TCERG1L: variants seen among roughly 807,000 people sequenced by gnomAD.
TCERG1L encodes transcription elongation regulator 1-like protein.
TCERG1L carries 37 observed loss-of-function variants against 56.3 expected under a neutral mutation model. That is an observed-to-expected ratio of 0.66 (90% CI 0.51 to 0.87). TCERG1L has a LOEUF of 0.87. Ranked by LOEUF, TCERG1L falls within the 40% of genes least tolerant of loss-of-function variation. The pLI is 0.00. For missense variants in TCERG1L, 799 were observed against 774.2 expected, an observed-to-expected ratio of 1.03 and a Z score of -0.38; for synonymous variants, 324 against 326.3, an observed-to-expected ratio of 0.99 and a Z score of 0.08.
In TCERG1L at chr10:131,114,084, A is replaced by C. The variant is rs2133388098; in HGVS notation, c.1395+2715T>G. 2.1e-5 allele frequency among the ~76,000 whole-genome samples: 3 copies of C among 142,604 alleles called. 1 individual carries two copies. The South Asian group carries it at 7.8e-4, about 37-fold the overall frequency. The allele number at this position is 142,604 out of a possible 152,430, so 93.6% of individuals were successfully genotyped here. A position where few individuals can be genotyped will look rare whatever the true frequency, so the allele number is the denominator to read the frequency against. ...AACCTTCATCCCGCTGCCCCAGGGC[A>C]CAATCCCCGTGGCAGGGCCCAAACT... On this transcript the variant is annotated intron_variant, in intron 9 of 11. Transcript: ENST00000368642.
chr10:131,134,520 C>T, intron 7 of TCERG1L, 72 bp from the exon 8 acceptor site: 1 of 1,189,490 alleles, frequency 8.4e-7, no homozygotes, highest in South Asian at 1.3e-5. Flanking sequence ...CCAGGTGACA[C>T]TCACTTTCAA....
chr10:131,287,017 G>A (rs978095127), intron 3 of TCERG1L, among the ~76,000 whole-genome samples: 3 of 152,086 alleles, frequency 2.0e-5, no homozygotes, highest in Admixed American at 2.0e-4. Context: ...ATTACATGCT[G>A]GAATAATAAT....
intron 7 of TCERG1L, among the ~76,000 whole-genome samples, chr10:131,136,645 G>A (rs1271009935): frequency 6.6e-5 from 10 of 151,988 alleles, no homozygotes; most frequent in Admixed American, 4.6e-4. Context: ...ACAGGCACCC[G>A]CCACCACACC....
At chr10:131,180,677 A>G (rs181944500) in intron 4 of TCERG1L, among the ~76,000 whole-genome samples, 108 of 152,324 alleles carry the variant, frequency 7.1e-4, no homozygotes, top group African/African-American at 2.4e-3. Context: ...TGTATTTCAC[A>G]CATTCGTTAT....
intron 8 of TCERG1L, among the ~76,000 whole-genome samples, chr10:131,129,350 C>T (rs12250530): frequency 0.016 from 2,447 of 152,232 alleles, 49 homozygotes; most frequent in African/African-American, 0.049. Flanking sequence ...CTATTATATT[C>T]TAGAATATTT....
At chr10:131,109,536 A>G (rs895678119) in intron 9 of TCERG1L, among the ~76,000 whole-genome samples, 1 of 152,136 alleles carries the variant, frequency 6.6e-6, no homozygotes, top group Non-Finnish European at 1.5e-5. Context: ...TGGGAGAACA[A>G]CAGGGTCTTG....
At chr10:131,303,590 A>C (rs1275061426) in intron 3 of TCERG1L, among the ~76,000 whole-genome samples, 1 of 152,054 alleles carries the variant, frequency 6.6e-6, no homozygotes, top group Non-Finnish European at 1.5e-5. Flanking sequence ...GTTTTTAAGG[A>C]GGTCAAAGCA....
chr10:131,119,970 T>C (rs1474612476), intron 8 of TCERG1L, among the ~76,000 whole-genome samples: 3 of 152,170 alleles, frequency 2.0e-5, no homozygotes, highest in Admixed American at 2.0e-4. Context: ...TTAACCAGGC[T>C]AGGTGCTCCT....
Position 131,102,410 on chromosome 10 carries a change from G to A in TCERG1L, c.1485+1855C>T, listed in dbSNP as rs1484697702. On this transcript the variant is annotated intron_variant, in intron 10 of 11. Coordinates refer to ENST00000368642, the MANE Select transcript of TCERG1L (RefSeq NM_174937.4). Reference sequence around the variant, plus strand: ...GCGGGAGTTGGTTACAACGAGCAACGCGGGTCCATGTGACTGAGACTCTGT... The same window carrying A: ...GCGGGAGTTGGTTACAACGAGCAACACGGGTCCATGTGACTGAGACTCTGT... Among the ~76,000 whole-genome samples, 7 of 152,302 alleles carry A rather than the reference G, an allele frequency of 4.6e-5. No individual in the cohort carries two copies. In the South Asian group the frequency reaches 1.4e-3, roughly 32 times the overall value.
At position 131,309,217 on chromosome 10, in the gene TCERG1L, C is replaced by T. The variant is rs1166082216; in HGVS notation, c.425G>A (p.Cys142Tyr). 6.2e-7 allele frequency: 1 copy of T among 1,609,712 alleles called. No homozygotes were observed. The highest frequency in any genetic ancestry group is 2.3e-5 in the East Asian group (1 of 44,428). The part of the protein sequence containing the change: ...VELVPVFPHL[C>Y]PSALATPIGK... ...AATAGGGGTTGCAAGAGCAGAAGGG[C>T]AGAGATGTGGGAAGACGGGCACCAG... is the stretch of plus-strand genomic sequence containing the variant. Residue 142 changes from cysteine (C) to tyrosine (Y), a missense_variant, in exon 2 of 12, where the codon TGC (cysteine) becomes TAC (tyrosine). By Grantham distance (194) the Cys-to-Tyr change is radical (BLOSUM62 -2). Transcript: ENST00000368642.
chr10:131,270,301 C>T (rs1244881618), intron 3 of TCERG1L, among the ~76,000 whole-genome samples: 1 of 152,192 alleles, frequency 6.6e-6, no homozygotes, highest in Non-Finnish European at 1.5e-5. Flanking sequence ...TCGGAGACGC[C>T]TCCTGAGCTG....
chr10:131,295,781 A>G (rs1009131416), intron 3 of TCERG1L, among the ~76,000 whole-genome samples: 4 of 152,144 alleles, frequency 2.6e-5, no homozygotes, highest in Admixed American at 1.3e-4. Flanking sequence ...TATATATTAC[A>G]TTGTTGTCAT....
intron 6 of TCERG1L, among the ~76,000 whole-genome samples, chr10:131,158,465 T>G (rs917012451): frequency 9.8e-5 from 15 of 152,300 alleles, no homozygotes; most frequent in African/African-American, 3.6e-4. Context: ...TAACCACGAG[T>G]AAGACTAATT....
intron 4 of TCERG1L, among the ~76,000 whole-genome samples, chr10:131,255,403 A>C (rs932524489): frequency 4.6e-5 from 7 of 152,256 alleles, no homozygotes; most frequent in African/African-American, 1.7e-4. Context: ...TCTAGAGATA[A>C]TGCATATGCA....
chr10:131,192,211 A>C lies in TCERG1L; in HGVS notation c.857-25326T>G, dbSNP rs535508099. Reference sequence around the variant, plus strand: ...CAAAAAATTCCATTAAAAGGTGGGCAAAAAACATGAACAGACATTTCTCAA... The same window carrying C: ...CAAAAAATTCCATTAAAAGGTGGGCCAAAAACATGAACAGACATTTCTCAA... On this transcript the variant is annotated intron_variant, in intron 4 of 11. Coordinates refer to ENST00000368642, the MANE Select transcript of TCERG1L (RefSeq NM_174937.4). 1.6e-3 allele frequency among the ~76,000 whole-genome samples: 227 copies of C among 137,904 alleles called. 22 individuals carry two copies. Among genetic ancestry groups the C allele is most frequent in the Non-Finnish European group, 2.6e-3 (165 of 63,392 alleles). 90.5% of individuals were successfully genotyped at this position (137,904 alleles called of 152,430 possible).
At chr10:131,219,826 A>G (rs1440939147) in intron 4 of TCERG1L, among the ~76,000 whole-genome samples, 1 of 152,180 alleles carries the variant, frequency 6.6e-6, no homozygotes, top group Non-Finnish European at 1.5e-5. Context: ...AAGGGACGGG[A>G]AGGTAAAGTC....
rs562348821 is a variant in TCERG1L at position 131,200,033 on chromosome 10, CACT to C, written c.857-33151_857-33149del. 3.9e-5 allele frequency among the ~76,000 whole-genome samples: 6 copies of C among 152,298 alleles called. No homozygotes were observed. The East Asian group carries it at 1.2e-3, about 29-fold the overall frequency. On this transcript the variant is annotated intron_variant, in intron 4 of 11. Transcript: ENST00000368642. ...TCTGAATGGCCCTTCCCATCTATAT[CACT>C]ACTTTTCCCGACAGCTCTCCCCTCC...
intron 5 of TCERG1L, among the ~76,000 whole-genome samples, chr10:131,165,948 C>A (rs1221055894): frequency 2.6e-5 from 4 of 152,186 alleles, no homozygotes; most frequent in Admixed American, 6.5e-5. Context: ...GAAAGGCTAT[C>A]TGTGTAATTA....
chr10:131,262,510 T>C (rs1211235055), intron 3 of TCERG1L, among the ~76,000 whole-genome samples: 1 of 152,228 alleles, frequency 6.6e-6, no homozygotes, highest in Non-Finnish European at 1.5e-5. Context: ...TATAATTTGT[T>C]ATAGAGCAGC....
Sources: gnomAD v4.1 joint callset for allele counts (sites outside exome capture counted in the v4.1 genomes callset) on GRCh38, gnomAD v4.1.1 for gene constraint, MANE v1.5 for transcripts, NCBI Gene and HGNC (gene_info 2026-07-23, HGNC 2026-07-21) for gene names.